PRDM2: variants seen among roughly 807,000 people sequenced by gnomAD.
PRDM2 encodes PR domain zinc finger protein 2.
A neutral mutation model predicts 130.0 loss-of-function variants in PRDM2; 30 were observed. That is an observed-to-expected ratio of 0.23 (90% CI 0.17 to 0.31). The LOEUF is 0.31. PRDM2 is among the 10% of genes least tolerant of loss of function. The probability of loss-of-function intolerance (pLI) is 1.00; values close to 1 mark genes in which losing one functional copy is unlikely to be tolerated. For synonymous variants in PRDM2, 871 were observed against 782.4 expected, an observed-to-expected ratio of 1.11 and a Z score of -1.89; for missense variants, 2,011 against 2,108.4, an observed-to-expected ratio of 0.95 and a Z score of 0.90.
chr1:13,819,683 C>T (rs1376450555), intron 9 of PRDM2, among the ~76,000 whole-genome samples: 2 of 152,208 alleles, frequency 1.3e-5, no homozygotes, highest in South Asian at 2.1e-4. Flanking sequence ...GTTCTTGAGG[C>T]TGCAAGTACC....
At chr1:13,799,446 A>AAAAAAACTCCATCTC in intron 8 of PRDM2, among the ~76,000 whole-genome samples, 1 of 58,552 alleles carries the variant, frequency 1.7e-5, no homozygotes, top group East Asian at 1.2e-3. Flanking sequence ...ACTCCATCTC[A>AAAAAAACTCCATCTC]AAAAAAAAAA....
intron 9 of PRDM2, 77 bp downstream of exon 9, chr1:13,816,647 AG>A: frequency 6.6e-7 from 1 of 1,522,270 alleles, no homozygotes; most frequent in Non-Finnish European, 8.9e-7. Context: ...TTGGGTGGGG[AG>A]GGAAGGAGAG....
Position 13,809,377 on chromosome 1 carries a change from A to G in PRDM2, c.5037-7050A>G, listed in dbSNP as rs543000240. ...GGTCCCCGACAGTGGTAGAAGAGGAAGGAAGGCGGACTCGATGGAGCCAGT... is the reference window on the plus strand; with the variant it reads ...GGTCCCCGACAGTGGTAGAAGAGGAGGGAAGGCGGACTCGATGGAGCCAGT... On this transcript the variant is annotated intron_variant, in intron 8 of 9. Coordinates refer to ENST00000311066, the MANE Select transcript of PRDM2 (RefSeq NM_001393986.1). 1.4e-4 allele frequency among the ~76,000 whole-genome samples: 22 copies of G among 152,284 alleles called. No homozygotes were observed. In the South Asian group the frequency reaches 4.6e-3, roughly 32 times the overall value.
Position 13,782,966 on chromosome 1 carries a change from G to A in PRDM2, c.5036+135G>A, listed in dbSNP as rs1272876558. The stretch of plus-strand genomic sequence containing the variant: ...GGAAATAGCTGTTGTATAAGTTAAA[G>A]GCATGAAGGGTCATTGCTTTGGCTG... On this transcript the variant is annotated intron_variant, in intron 8 of 9. Transcript: ENST00000311066. 2.0e-6 allele frequency: 3 copies of A among 1,530,534 alleles called. No individual in the cohort carries two copies. The African/African-American group carries it at 4.2e-5, about 21-fold the overall frequency. The allele number at this position is 1,530,534 out of a possible 1,614,324, so 94.8% of individuals were successfully genotyped here. A position where few individuals can be genotyped will look rare whatever the true frequency, so the allele number is the denominator to read the frequency against.
intron 9 of PRDM2, 115 bp from the exon 10 acceptor site, chr1:13,823,044 G>A (rs1645378633): frequency 2.9e-6 from 3 of 1,030,642 alleles, no homozygotes; most frequent in Non-Finnish European, 4.4e-6. Flanking sequence ...TCTATGTATG[G>A]TATGTTTCAA....
At chr1:13,724,606 T>G (rs1332646269) in intron 2 of PRDM2, among the ~76,000 whole-genome samples, 1 of 151,464 alleles carries the variant, frequency 6.6e-6, no homozygotes. Flanking sequence ...GCGATTCTCC[T>G]GCCTCAGCCT....
At chr1:13,749,284 C>T (rs1187287482) in intron 5 of PRDM2, 77 bp from the exon 6 acceptor site, 8 of 1,258,764 alleles carry the variant, frequency 6.4e-6, no homozygotes, top group Non-Finnish European at 8.2e-6. Context: ...CTCCCGCCCG[C>T]GTCCCGGTGC....
rs374706352 is a variant in PRDM2 at position 13,780,653 on chromosome 1, C to T, written c.2858C>T (p.Thr953Ile). The change falls in exon 8 of 10, where the codon ACA becomes ATA. Residue 953 changes from threonine to isoleucine, a missense_variant. Around this residue, in one of 5 missense-constraint regions of PRDM2, gnomAD observed 1,288 missense variants for 1,237.7 expected, o/e 1.04. Transcript: ENST00000311066. ...TGTCCTTCATCACCTGCCCTGCAGA[C>T]ACCCTCCCTTTCATCCGGTCAGCTG... ...DVCPSSPALQ[T>I]PSLSSGQLPP... The T allele has an allele frequency of 4.6e-5, 75 of 1,612,922 alleles. No individual in the cohort carries two copies. The highest frequency in any genetic ancestry group is 3.2e-5 in the Non-Finnish European group (38 of 1,179,296).
At chr1:13,775,565 A>G (rs1013592822) in intron 7 of PRDM2, among the ~76,000 whole-genome samples, 3 of 152,232 alleles carry the variant, frequency 2.0e-5, no homozygotes, top group African/African-American at 7.2e-5. Flanking sequence ...CAGAAACCTC[A>G]TTGCTAGTAA....
intron 6 of PRDM2, among the ~76,000 whole-genome samples, chr1:13,757,111 A>C (rs570931156): frequency 2.6e-5 from 4 of 152,244 alleles, no homozygotes; most frequent in African/African-American, 9.6e-5. Flanking sequence ...TACCAAGACT[A>C]TGATTAAGTG....
At chr1:13,732,752 T>G in intron 3 of PRDM2, 27 bp from the exon 4 acceptor site, 4 of 1,458,852 alleles carry the variant, frequency 2.7e-6, no homozygotes, top group Non-Finnish European at 3.8e-6. Flanking sequence ...CATGATACAT[T>G]ATAAAAATAC....
At position 13,802,235 on chromosome 1, in the gene PRDM2, A is replaced by G. The variant is rs1229128700; in HGVS notation, c.5037-14192A>G. ...TTGAACAACACCCGTTCAGGCACCA[A>G]GTGAGCGTGCCTTTCCCATGACAGT... On this transcript the variant is annotated intron_variant, in intron 8 of 9. Transcript: ENST00000311066. 3.3e-5 allele frequency among the ~76,000 whole-genome samples: 5 copies of G among 152,190 alleles called. No homozygotes were observed. In the East Asian group the frequency reaches 9.7e-4, roughly 29 times the overall value.
chr1:13,773,048 A>G (rs745649736), intron 6 of PRDM2, 30 bp from the exon 7 acceptor site: 1 of 1,246,956 alleles, frequency 8.0e-7, no homozygotes, highest in African/African-American at 1.6e-5. Context: ...AAAAAAATGA[A>G]TGAATAAATT....
intron 4 of PRDM2, among the ~76,000 whole-genome samples, chr1:13,739,524 C>G (rs1643376208): frequency 6.6e-6 from 1 of 152,136 alleles, no homozygotes; most frequent in African/African-American, 2.4e-5. Context: ...GCCATATAAT[C>G]TAATTAATCA....
intron 1 of PRDM2, among the ~76,000 whole-genome samples, chr1:13,700,584 C>G (rs1642041292): frequency 6.6e-6 from 1 of 150,956 alleles, no homozygotes; most frequent in African/African-American, 2.4e-5. Flanking sequence ...GGTTTGTCGC[C>G]GTGAAGAGCC....
Position 13,816,438 on chromosome 1 carries a change from G to C in PRDM2, c.5048G>C (p.Arg1683Pro), listed in dbSNP as rs754582779. ...CTCTTCCTGCACAGCTACAGCCTCC[G>C]CTTGGCGTCCCGATGCTCTCCACCA... ...QELKDFSYSL[R>P]LASRCSPPAA... Residue 1683 changes from arginine to proline, a missense_variant, in exon 9 of 10, where the codon CGC becomes CCC. Arg to Pro is a moderately radical substitution (Grantham distance 103). This residue lies in a region of PRDM2 where 410 missense variants were observed against 395.9 expected (regional missense o/e 1.04). Transcript: ENST00000311066. 1.2e-6 allele frequency: 2 copies of C among 1,614,080 alleles called. No homozygotes were observed. Among genetic ancestry groups the C allele is most frequent in the South Asian group, 2.2e-5 (2 of 91,082 alleles).
chr1:13,749,104 G>A (rs894734475), intron 5 of PRDM2, among the ~76,000 whole-genome samples: 1 of 152,130 alleles, frequency 6.6e-6, no homozygotes, highest in African/African-American at 2.4e-5. Flanking sequence ...ACAGCACCCG[G>A]GCTCCGCTAC....
chr1:13,814,966 G>C (rs576485734), intron 8 of PRDM2, among the ~76,000 whole-genome samples: 49 of 152,150 alleles, frequency 3.2e-4, no homozygotes, highest in Admixed American at 1.2e-3. Flanking sequence ...TTCCTCATCT[G>C]TAAATTAGGG....
chr1:13,749,577 C>T, intron 6 of PRDM2, 90 bp downstream of exon 6: 5 of 889,420 alleles, frequency 5.6e-6, no homozygotes, highest in Non-Finnish European at 6.8e-6. Flanking sequence ...GGCCCGACCG[C>T]GAGGCGGGTC....
Sources: gnomAD v4.1 joint callset for allele counts (sites outside exome capture counted in the v4.1 genomes callset) on GRCh38, gnomAD v4.1.1 for gene constraint, gnomAD v4.1.1 regional missense constraint, MANE v1.5 for transcripts, NCBI Gene and HGNC (gene_info 2026-07-23, HGNC 2026-07-21) for gene names.